Variants in ZC3H12B observed in about 807,000 individuals in gnomAD.
ZC3H12B encodes zinc finger CCCH-type containing 12B, also known as probable ribonuclease ZC3H12B.
In ZC3H12B, 7 loss-of-function variants were observed where a neutral mutation model predicts 43.9. That is an observed-to-expected ratio of 0.16 (90% confidence interval 0.09 to 0.30). The LOEUF (loss-of-function observed/expected upper bound fraction) is 0.30. Ranked by LOEUF, ZC3H12B falls within the 10% of genes least tolerant of loss-of-function variation. ZC3H12B has a pLI of 1.00. For missense variants in ZC3H12B, 475 were observed against 670.2 expected, an observed-to-expected ratio of 0.71 and a Z score of 3.22; for synonymous variants, 222 against 241.7, an observed-to-expected ratio of 0.92 and a Z score of 0.76.
chrX:65,211,349 A>G, the ZC3H12B span, among the ~76,000 whole-genome samples: 1 of 109,289 alleles, frequency 9.2e-6, no homozygotes, highest in South Asian at 3.8e-4. Context: ...GGGAATAAAA[A>G]TTAACAATAA....
the ZC3H12B span, among the ~76,000 whole-genome samples, chrX:65,212,217 T>A: frequency 2.7e-4 from 10 of 36,590 alleles, no homozygotes; most frequent in African/African-American, 1.6e-3. Context: ...TATAATATAT[T>A]ATATATTATA....
the ZC3H12B span, among the ~76,000 whole-genome samples, chrX:65,097,149 A>G: frequency 8.9e-6 from 1 of 112,070 alleles, no homozygotes; most frequent in Non-Finnish European, 1.9e-5. Flanking sequence ...GAATTCATTA[A>G]TCCTATCCTT....
the ZC3H12B span, among the ~76,000 whole-genome samples, chrX:65,138,893 A>G: frequency 7.2e-3 from 809 of 112,237 alleles, 6 homozygotes; most frequent in Non-Finnish European, 0.012. Context: ...CCTTCCTTTG[A>G]GAAATGTCTA....
chrX:65,192,769 C>CAGATAGAT, the ZC3H12B span, among the ~76,000 whole-genome samples: 10,899 of 104,279 alleles, frequency 0.1, 1,001 homozygotes, highest in African/African-American at 0.3. Context: ...GGGATTTTCC[C>CAGATAGAT]AGATAGATAG....
intron 3 of ZC3H12B, among the ~76,000 whole-genome samples, chrX:65,448,876 G>A (rs1432160406): frequency 2.2e-5 from 2 of 92,263 alleles, no homozygotes; most frequent in Non-Finnish European, 4.1e-5. Flanking sequence ...AGGGAGGGAG[G>A]GAAATAAATA....
At chrX:65,479,775 A>G (rs957650142) in intron 3 of ZC3H12B, among the ~76,000 whole-genome samples, 2 of 112,528 alleles carry the variant, frequency 1.8e-5, no homozygotes, top group Non-Finnish European at 1.9e-5. Context: ...AACAAAACTC[A>G]CAAACAAAGC....
rs764799100 is a variant in ZC3H12B, at chrX:65,441,836, C to A, written n.407+43132C>A. Among the ~76,000 whole-genome samples the A allele has an allele frequency of 1.3e-4, 14 of 110,816 alleles. No homozygotes were observed. The East Asian group carries it at 2.3e-3, about 18-fold the overall frequency. ...GCTGTGGCGGAGGACAGACATTGTACAGGGGTGAGGGAATGGCCTGAGCCA... is the reference window on the plus strand; with the variant it reads ...GCTGTGGCGGAGGACAGACATTGTAAAGGGGTGAGGGAATGGCCTGAGCCA... On this transcript the variant is annotated intron_variant and non_coding_transcript_variant, in intron 3 of 5. Transcript: ENST00000617377.
At chrX:65,160,146 G>T in the ZC3H12B span, among the ~76,000 whole-genome samples, 1 of 111,748 alleles carries the variant, frequency 8.9e-6, no homozygotes, top group Non-Finnish European at 1.9e-5. Flanking sequence ...TTTTTGATGT[G>T]CTGCTGGATT....
At chrX:65,503,355 G>T in exon 5 of ZC3H12B, 1 of 508,041 alleles carries the variant, frequency 2.0e-6, no homozygotes, top group African/African-American at 2.4e-5. Context: ...ACCCTGTGAG[G>T]TACGTCTTAC....
the ZC3H12B span, among the ~76,000 whole-genome samples, chrX:65,116,503 T>C: frequency 3.6e-5 from 4 of 111,436 alleles, no homozygotes; most frequent in South Asian, 1.5e-3. Context: ...ATTTGTTCTT[T>C]TTGCTAAGAC....
intron 3 of ZC3H12B, among the ~76,000 whole-genome samples, chrX:65,472,825 GATATATATATATATATAT>G (rs58372328): frequency 7.9e-4 from 25 of 31,562 alleles, no homozygotes; most frequent in African/African-American, 2.6e-3. Context: ...CCATACCTTT[GATATATATATATATATAT>G]ATATATATAT....
chrX:65,037,912 TATC>T, the ZC3H12B span, among the ~76,000 whole-genome samples: 9 of 111,188 alleles, frequency 8.1e-5, no homozygotes, highest in Non-Finnish European at 1.7e-4. Flanking sequence ...AAAGTTCTAA[TATC>T]ATGTTATTAA....
At chrX:65,175,886 T>G in the ZC3H12B span, among the ~76,000 whole-genome samples, 1 of 112,441 alleles carries the variant, frequency 8.9e-6, no homozygotes, top group Admixed American at 9.4e-5. Flanking sequence ...CCACAGTCTT[T>G]GTAACCACAG....
chrX:65,320,768 G>A, the ZC3H12B span, among the ~76,000 whole-genome samples: 2 of 111,999 alleles, frequency 1.8e-5, no homozygotes. Flanking sequence ...TCTGGTCTTT[G>A]ACAAGGCTGA....
the ZC3H12B span, among the ~76,000 whole-genome samples, chrX:65,263,156 C>T: frequency 9.0e-6 from 1 of 111,123 alleles, no homozygotes; most frequent in East Asian, 2.8e-4. Flanking sequence ...GCATGAGGTT[C>T]ATTTGTACAA....
At chrX:65,119,655 A>T in the ZC3H12B span, among the ~76,000 whole-genome samples, 1 of 111,159 alleles carries the variant, frequency 9.0e-6, no homozygotes, top group Admixed American at 9.5e-5. Flanking sequence ...GTTTAATTAG[A>T]TCCCATTTGT....
the ZC3H12B span, among the ~76,000 whole-genome samples, chrX:65,226,947 C>T: frequency 9.0e-5 from 10 of 110,642 alleles, no homozygotes; most frequent in African/African-American, 3.3e-4. Flanking sequence ...ACTTTAACAC[C>T]CCACTCTCAA....
chrX:65,434,182 C>T (rs1405774410), intron 3 of ZC3H12B, among the ~76,000 whole-genome samples: 2 of 112,007 alleles, frequency 1.8e-5, no homozygotes, highest in African/African-American at 3.2e-5. Context: ...GACTAAAGTT[C>T]ACACTGTAAG....
chrX:65,168,753 C>T, the ZC3H12B span, among the ~76,000 whole-genome samples: 31 of 111,279 alleles, frequency 2.8e-4, no homozygotes, highest in East Asian at 3.7e-3. Context: ...TCAACTTCTT[C>T]GTGGTTTAGT....
Sources: allele counts gnomAD v4.1 joint callset (sites outside exome capture counted in the v4.1 genomes callset), GRCh38; gene constraint gnomAD v4.1.1; transcripts MANE v1.5; gene names NCBI Gene and HGNC (gene_info 2026-07-23, HGNC 2026-07-21).